XG: variants seen among roughly 807,000 people sequenced by gnomAD.
The protein encoded by XG is glycoprotein Xg.
In XG, 24 loss-of-function variants were observed where a neutral mutation model predicts 25.7. That is an observed-to-expected ratio of 0.93 (90% confidence interval 0.68 to 1.31). The LOEUF (loss-of-function observed/expected upper bound fraction) is 1.31. XG is among the 40% of genes most tolerant of loss of function. The pLI is 0.00. For synonymous variants in XG, 77 were observed against 69.2 expected (o/e 1.11, Z -0.56); for missense variants, 181 against 187.6 (o/e 0.96, Z 0.21).
chrX:2,785,916 C>T (rs903589204), intron 4 of XG, among the ~76,000 whole-genome samples: 4 of 111,274 alleles, frequency 3.6e-5, no homozygotes, highest in Non-Finnish European at 7.5e-5. Context: ...ATGGAATGTC[C>T]TAGGCCTTTC....
At chrX:2,762,359 C>T (rs1039245544) in intron 1 of XG, among the ~76,000 whole-genome samples, 48 of 152,118 alleles carry the variant, frequency 3.2e-4, no homozygotes, top group African/African-American at 8.9e-4. Context: ...AAGTCAAGAA[C>T]GGGGCCAGTT....
chrX:2,790,811 G>A (rs985757390), intron 5 of XG, among the ~76,000 whole-genome samples: 1 of 111,335 alleles, frequency 9.0e-6, no homozygotes, highest in African/African-American at 3.3e-5. Flanking sequence ...AAAAAAAGGC[G>A]GGGGGGTGGT....
In XG at chrX:2,794,542, C is replaced by T; in HGVS notation, c.261C>T (p.Phe87=). The T allele has an allele frequency of 8.3e-7, 1 of 1,211,573 alleles. No individual in the cohort carries two copies. The highest frequency in any genetic ancestry group is 3.0e-5 in the East Asian group (1 of 33,785). The part of the protein sequence containing the change: ...PGNSGNSGGY[F]NDVDRDDGRY... ...GCGTGCTCTGCCCCACAGGTTACTTCAATGATGTGGACCGTGATGACGGAC... is the reference window on the plus strand; with the variant it reads ...GCGTGCTCTGCCCCACAGGTTACTTTAATGATGTGGACCGTGATGACGGAC... Residue 87 remains phenylalanine, a synonymous_variant, in exon 6 of 11, where the codon TTC becomes TTT. Transcript: ENST00000644266.
At position 2,814,595 on chromosome X, in the gene XG, T is replaced by TC. The variant is rs1430163346; in HGVS notation, c.*216dup. 1 of 411,806 alleles carries TC rather than the reference T, an allele frequency of 2.4e-6. No individual in the cohort carries two copies. The highest frequency in any genetic ancestry group is 2.5e-5 in the African/African-American group (1 of 39,309). 33.9% of individuals were successfully genotyped at this position (411,806 alleles called of 1,213,427 possible). The stretch of plus-strand genomic sequence containing the variant: ...TAAGTTAGGCAGCTAGACCCTGCGT[T>TC]CTAAAAAAGGATTGCTTGCAATGTT... On this transcript the variant is annotated 3_prime_UTR_variant, in exon 11 of 11. Coordinates refer to ENST00000644266, the MANE Select transcript of XG (RefSeq NM_001141919.2).
intron 7 of XG, among the ~76,000 whole-genome samples, chrX:2,803,385 C>T (rs958706935): frequency 2.7e-5 from 3 of 111,262 alleles, no homozygotes; most frequent in African/African-American, 9.8e-5. Context: ...TTTACCTTGC[C>T]CCCTGCCTAA....
intron 1 of XG, among the ~76,000 whole-genome samples, chrX:2,767,456 C>A (rs2050725521): frequency 6.6e-6 from 1 of 152,098 alleles, no homozygotes; most frequent in Admixed American, 6.6e-5. Context: ...GGATCCCAGA[C>A]CACAAGGATT....
intron 2 of XG, 107 bp from the exon 3 acceptor site, chrX:2,774,609 G>T (rs2050933830): frequency 5.6e-6 from 7 of 1,241,364 alleles, no homozygotes; most frequent in East Asian, 4.6e-5. Flanking sequence ...ACTTTGTATG[G>T]CTTTGTCACT....
chrX:2,775,464 G>A (rs1221127016), intron 3 of XG, among the ~76,000 whole-genome samples: 1 of 152,170 alleles, frequency 6.6e-6, no homozygotes, highest in Non-Finnish European at 1.5e-5. Context: ...GTGACTGCCA[G>A]GGGCTGGAGG....
At chrX:2,809,842 G>A (rs888832322) in intron 9 of XG, among the ~76,000 whole-genome samples, 4 of 112,039 alleles carry the variant, frequency 3.6e-5, no homozygotes, top group Non-Finnish European at 7.5e-5. Context: ...AGCCAGGCCA[G>A]GCTTCATCAC....
At chrX:2,787,224 C>T (rs112589751) in intron 4 of XG, among the ~76,000 whole-genome samples, 6,351 of 109,450 alleles carry the variant, frequency 0.058, 144 homozygotes, top group African/African-American at 0.075. Flanking sequence ...TCTGTGATAG[C>T]AGCCTGAAAT....
chrX:2,807,122 TGTGCA>T (rs1201676625), intron 8 of XG, among the ~76,000 whole-genome samples: 53 of 23,265 alleles, frequency 2.3e-3, no homozygotes, highest in Non-Finnish European at 2.2e-3. Context: ...CATGTGCATG[TGTGCA>T]AGTGTCTGTG....
At chrX:2,803,573 A>G (rs1361560723) in intron 7 of XG, among the ~76,000 whole-genome samples, 1 of 109,264 alleles carries the variant, frequency 9.2e-6, no homozygotes, top group Non-Finnish European at 1.9e-5. Flanking sequence ...GGGAGGGCTG[A>G]TTGGTCAGGT....
At chrX:2,808,789 C>G (rs1215417714) in intron 9 of XG, among the ~76,000 whole-genome samples, 1 of 111,281 alleles carries the variant, frequency 9.0e-6, no homozygotes, top group Non-Finnish European at 1.9e-5. Flanking sequence ...AACCCCAAGG[C>G]TCTTGTGAGT....
At chrX:2,778,847 C>A (rs1467917273) in intron 3 of XG, among the ~76,000 whole-genome samples, 1 of 151,586 alleles carries the variant, frequency 6.6e-6, no homozygotes, top group Non-Finnish European at 1.5e-5. Context: ...GATCTCACCT[C>A]CCCGCAAACT....
At chrX:2,775,426 G>A (rs1034080685) in intron 3 of XG, among the ~76,000 whole-genome samples, 14 of 152,246 alleles carry the variant, frequency 9.2e-5, no homozygotes, top group Admixed American at 2.6e-4. Context: ...TCAAGAATAG[G>A]TGAATCCCTA....
Position 2,816,435 on chromosome X carries a change from G to A in XG, c.*2055G>A, listed in dbSNP as rs2087104747. The A allele has an allele frequency of 1.8e-5, 2 of 111,924 alleles. No homozygotes were observed. 9.2% of individuals were successfully genotyped at this position (111,924 alleles called of 1,213,427 possible). A position where few individuals can be genotyped will look rare whatever the true frequency, so the allele number is the denominator to read the frequency against. On this transcript the variant is annotated 3_prime_UTR_variant, in exon 11 of 11. Transcript: ENST00000644266. ...GACCAACCCTCCATCTACTCAATGG[G>A]AAGATGATAAGGATGAAGACCTTTA...
intron 5 of XG, 68 bp from the exon 6 acceptor site, chrX:2,794,467 C>T (rs1287693003): frequency 8.8e-6 from 10 of 1,135,273 alleles, no homozygotes; most frequent in East Asian, 3.2e-5. Context: ...GTGCCCCCAG[C>T]GCAGACCTGG....
At chrX:2,811,066 C>T (rs2087050557) in intron 9 of XG, among the ~76,000 whole-genome samples, 1 of 111,363 alleles carries the variant, frequency 9.0e-6, no homozygotes. Context: ...ATGTGGTTGA[C>T]AAGCTTGGCT....
intron 1 of XG, among the ~76,000 whole-genome samples, chrX:2,764,377 C>T (rs143829398): frequency 6.6e-6 from 1 of 152,186 alleles, no homozygotes; most frequent in African/African-American, 2.4e-5. Flanking sequence ...GCCGCAAATT[C>T]TTTCTTGTGC....
Sources: gnomAD v4.1 joint callset for allele counts (sites outside exome capture counted in the v4.1 genomes callset) on GRCh38, gnomAD v4.1.1 for gene constraint, MANE v1.5 for transcripts, NCBI Gene and HGNC (gene_info 2026-07-23, HGNC 2026-07-21) for gene names.